The following SORBS3 variants were observed in gnomAD, a reference collection of about 807,000 sequenced individuals.
The protein encoded by SORBS3 is sorbin and SH3 domain containing 3.
Under a neutral mutation model 98.0 loss-of-function variants are expected in SORBS3, and 69 were observed. That is an observed-to-expected ratio of 0.70 (90% CI 0.58 to 0.86). The LOEUF (loss-of-function observed/expected upper bound fraction) is 0.86, where lower values mean the gene tolerates loss of function less well. SORBS3 is among the 40% of genes least tolerant of loss of function. The pLI, the probability that SORBS3 is intolerant of heterozygous loss-of-function variation, is 0.00. For synonymous variants in SORBS3, 394 were observed against 355.4 expected, an observed-to-expected ratio of 1.11 and a Z score of -1.22; for missense variants, 954 against 908.5, an observed-to-expected ratio of 1.05 and a Z score of -0.64.
Position 22,551,949 on chromosome 8 carries a change from C to T in SORBS3, c.-129C>T. The T allele has an allele frequency of 1.0e-6, 1 of 985,482 alleles. No homozygotes were observed. The highest frequency in any genetic ancestry group is 1.2e-6 in the Non-Finnish European group (1 of 830,010). 61.0% of individuals were successfully genotyped at this position (985,482 alleles called of 1,614,324 possible). ...GCCCTTCCTCCTCGAGCGCCCGCGC[C>T]AGGCAGCAGCCGGGCAGGGATGCTC... On this transcript the variant is annotated 5_prime_UTR_variant, in exon 1 of 21. Coordinates refer to ENST00000240123, the MANE Select transcript of SORBS3 (RefSeq NM_005775.5). The surrounding 1 kb of genome is among the most constrained non-coding windows in gnomAD (Gnocchi z 5.8).
chr8:22,571,735 T>C lies in SORBS3; in HGVS notation c.1761T>C (p.Gly587=), dbSNP rs1236556184. The C allele has an allele frequency of 1.2e-6, 2 of 1,613,842 alleles. No homozygotes were observed. The highest frequency in any genetic ancestry group is 2.2e-5 in the South Asian group (2 of 91,072). The change falls in exon 19 of 21, where the codon GGT becomes GGC. Residue 587 remains glycine, a synonymous_variant. Coordinates refer to ENST00000240123, the MANE Select transcript of SORBS3 (RefSeq NM_005775.5). ...ACTCCCAGAATCTTGGCACCCCTGG[T>C]CCAGCTCTGTCCCACTCTCGAGGTC... ...RPQTQNLGTP[G]PALSHSRGPS...
At chr8:22,574,597 C>A (rs1419859153) in intron 20 of SORBS3, 70 bp from the exon 21 acceptor site, 3 of 1,486,056 alleles carry the variant, frequency 2.0e-6, no homozygotes, top group Admixed American at 1.9e-5. Context: ...CGGCAGGGGG[C>A]AGGCCCTCAC....
chr8:22,565,583 T>A, intron 11 of SORBS3: 1 of 673,170 alleles, frequency 1.5e-6, no homozygotes, highest in South Asian at 7.1e-5. Flanking sequence ...CTAAGCGGAC[T>A]CCACGTCAGC....
Position 22,567,190 on chromosome 8 carries a change from CAA to C in SORBS3, c.1305+16_1305+17del. On this transcript the variant is annotated intron_variant, in intron 16 of 20. Transcript: ENST00000240123. ...ATTATGTGGAGGTGAGCAGGAGAGA[CAA>C]GAGCAAGTGGGGCTGGGCTGGGAGG... is the stretch of plus-strand genomic sequence containing the variant. 3 of 1,385,932 alleles carry C rather than the reference CAA, an allele frequency of 2.2e-6. No homozygotes were observed. The highest frequency in any genetic ancestry group is 1.8e-4 in the Middle Eastern group (1 of 5,536). 85.9% of individuals were successfully genotyped at this position (1,385,932 alleles called of 1,614,324 possible).
intron 1 of SORBS3, among the ~76,000 whole-genome samples, chr8:22,545,684 C>T (rs1840008844): frequency 6.6e-6 from 1 of 152,232 alleles, no homozygotes; most frequent in Non-Finnish European, 1.5e-5. Flanking sequence ...CGGACTGTCC[C>T]TCTGAGCAGC....
At chr8:22,550,487 C>T (rs547304870), upstream of SORBS3, among the ~76,000 whole-genome samples, 2 of 152,336 alleles carry the variant, frequency 1.3e-5, no homozygotes, top group East Asian at 1.9e-4. Context: ...ATGGCAGCCC[C>T]GCAGGCGCTA....
At chr8:22,573,420 C>G (rs1338293867) in intron 20 of SORBS3, 3 of 455,688 alleles carry the variant, frequency 6.6e-6, no homozygotes, top group Non-Finnish European at 1.3e-5. Flanking sequence ...TGTGCCCTTT[C>G]CGGTATGGCA....
At chr8:22,555,533 G>C (rs1030917552) in intron 3 of SORBS3, among the ~76,000 whole-genome samples, 1 of 152,186 alleles carries the variant, frequency 6.6e-6, no homozygotes, top group Non-Finnish European at 1.5e-5. Flanking sequence ...ATCCAGCCTG[G>C]GCAACATAGC....
intron 4 of SORBS3, 130 bp from the exon 5 acceptor site, chr8:22,557,999 C>G (rs187596882): frequency 2.2e-5 from 18 of 808,882 alleles, no homozygotes; most frequent in African/African-American, 2.2e-4. Flanking sequence ...GCAAGAGAAG[C>G]ATTTCCCAGC....
chr8:22,551,419 T>A (rs1840079196), upstream of SORBS3, among the ~76,000 whole-genome samples: 1 of 151,928 alleles, frequency 6.6e-6, no homozygotes, highest in Admixed American at 6.5e-5. This position sits in a 1 kb window ranked among gnomAD's most constrained non-coding sequence, Gnocchi z 5.8. Context: ...AGTTCACCAC[T>A]CCTGCCCCCT....
rs376119327 is a variant in SORBS3, at chr8:22,566,630, C to G, written c.1091-31C>G. On this transcript the variant is annotated intron_variant, in intron 13 of 20. Transcript: ENST00000240123. ...TGCAACCCCATCCCCCAGGTATGGC[C>G]TCCCCAAGCTGAGGTTGTGCTTCTC... The G allele has an allele frequency of 2.5e-6, 4 of 1,590,240 alleles. No homozygotes were observed. The African/African-American group carries it at 5.4e-5, about 22-fold the overall frequency.
At chr8:22,570,757 C>G (rs1356054895) in intron 17 of SORBS3, among the ~76,000 whole-genome samples, 153 bp from the exon 18 acceptor site, 1 of 152,132 alleles carries the variant, frequency 6.6e-6, no homozygotes, top group Non-Finnish European at 1.5e-5. Flanking sequence ...GGCTCCTGCT[C>G]TTACCGTGTG....
chr8:22,558,009 C>T, intron 4 of SORBS3, 120 bp from the exon 5 acceptor site: 1 of 880,438 alleles, frequency 1.1e-6, no homozygotes, highest in East Asian at 2.4e-5. Context: ...CATTTCCCAG[C>T]CCACCTATGG....
chr8:22,565,660 C>A, intron 11 of SORBS3, 166 bp from the exon 12 acceptor site: 1 of 1,205,472 alleles, frequency 8.3e-7, no homozygotes, highest in African/African-American at 1.6e-5. Context: ...GCCCCTTCCC[C>A]TAGTTCCCGC....
At chr8:22,564,850 A>C in intron 10 of SORBS3, 1 of 1,142,596 alleles carries the variant, frequency 8.8e-7, no homozygotes, top group Non-Finnish European at 1.1e-6. Flanking sequence ...CCCATAGCAG[A>C]GGCTGGCAGG....
intron 5 of SORBS3, among the ~76,000 whole-genome samples, chr8:22,559,325 AAG>A (rs1360432866): frequency 6.6e-6 from 1 of 152,142 alleles, no homozygotes; most frequent in Non-Finnish European, 1.5e-5. Context: ...CGTGGCTTGG[AAG>A]AGAGAGTCAA....
intron 5 of SORBS3, 111 bp downstream of exon 5, chr8:22,558,303 C>A: frequency 1.0e-6 from 1 of 998,940 alleles, no homozygotes; most frequent in Non-Finnish European, 1.6e-6. Flanking sequence ...TTCTTCTCCA[C>A]CTTCTCCCAG....
Position 22,558,678 on chromosome 8 carries a change from TCA to T in SORBS3, c.478+491_478+492del, listed in dbSNP as rs559304916. Among the ~76,000 whole-genome samples, 728 of 152,306 alleles carry T rather than the reference TCA, an allele frequency of 4.8e-3. 11 individuals carry two copies. Among genetic ancestry groups the T allele is most frequent in the African/African-American group, 0.017 (708 of 41,534 alleles). On this transcript the variant is annotated intron_variant, in intron 5 of 20. Transcript: ENST00000240123. Reference sequence around the variant, plus strand: ...TCTAGGTGCCAAAGATCAAAGGAAGTCACACAATAAACAGACACACCTTTGAC... The same window carrying T: ...TCTAGGTGCCAAAGATCAAAGGAAGTCACAATAAACAGACACACCTTTGAC...
Position 22,569,255 on chromosome 8 carries a change from G to A in SORBS3, c.1413G>A (p.Val471=), listed in dbSNP as rs749617852. 27 of 1,599,208 alleles carry A rather than the reference G, an allele frequency of 1.7e-5. No homozygotes were observed. Among genetic ancestry groups the A allele is most frequent in the Non-Finnish European group, 2.1e-5 (25 of 1,172,564 alleles). ...ACACCTTCAAGGGGGACCTGGAGGT[G>A]GAGCTGTCCTTCCGCAAGGTGGGCC... ...AQYTFKGDLE[V]ELSFRKGEHI... Residue 471 remains valine (V), a synonymous_variant, in exon 17 of 21, where the codon GTG becomes GTA. Transcript: ENST00000240123.
Sources: gnomAD v4.1 joint callset for allele counts (sites outside exome capture counted in the v4.1 genomes callset) on GRCh38, gnomAD v4.1.1 for gene constraint, Gnocchi (gnomAD v3.1) non-coding constraint, MANE v1.5 for transcripts, NCBI Gene and HGNC (gene_info 2026-07-23, HGNC 2026-07-21) for gene names.